ATP2B4: variants seen among roughly 807,000 people sequenced by gnomAD.
ATP2B4 encodes the protein plasma membrane calcium-transporting ATPase 4.
Under a neutral mutation model 110.3 loss-of-function variants are expected in ATP2B4, and 39 were observed. That is an observed-to-expected ratio of 0.35 (90% CI 0.27 to 0.46). The LOEUF (loss-of-function observed/expected upper bound fraction) is 0.46. ATP2B4 is among the 20% of genes least tolerant of loss of function. The pLI is 1.00. For synonymous variants in ATP2B4, 538 were observed against 571.7 expected (o/e 0.94, Z 0.84); for missense variants, 1,135 against 1,530.9 (o/e 0.74, Z 4.32).
chr1:203,695,058 G>T (rs941303191), intron 2 of ATP2B4, among the ~76,000 whole-genome samples: 1 of 152,090 alleles, frequency 6.6e-6, no homozygotes, highest in Non-Finnish European at 1.5e-5. Flanking sequence ...GTTTCATTAG[G>T]CTATTGGGGT....
At chr1:203,734,367 G>A (rs1046212620) in intron 20 of ATP2B4, among the ~76,000 whole-genome samples, 13 of 151,966 alleles carry the variant, frequency 8.6e-5, no homozygotes, top group African/African-American at 2.4e-4. Flanking sequence ...AAATGTATAT[G>A]GTTGAACATC....
rs773161375 is a variant in ATP2B4 at position 203,702,098 on chromosome 1, C to G, written c.937+19C>G. 3 of 1,613,766 alleles carry G rather than the reference C, an allele frequency of 1.9e-6. No homozygotes were observed. The highest frequency in any genetic ancestry group is 2.2e-5 in the East Asian group (1 of 44,876). ...AACAAAGGTAACCTCTCCAACTACT[C>G]ATTTACCATCTCTACCTGCCCACAC... On this transcript the variant is annotated intron_variant, in intron 7 of 20. Coordinates refer to ENST00000357681, the MANE Select transcript of ATP2B4 (RefSeq NM_001684.5).
chr1:203,722,320 T>G (rs527501525), intron 17 of ATP2B4, among the ~76,000 whole-genome samples, 158 bp from the exon 18 acceptor site: 1 of 151,946 alleles, frequency 6.6e-6, no homozygotes, highest in Non-Finnish European at 1.5e-5. Context: ...GGTGACAGAG[T>G]GAGACCCTGT....
chr1:203,739,342 A>C (rs891489541), intron 20 of ATP2B4, among the ~76,000 whole-genome samples: 1 of 151,896 alleles, frequency 6.6e-6, no homozygotes, highest in Non-Finnish European at 1.5e-5. Context: ...CACTCACCCC[A>C]GCCCACCCCA....
chr1:203,736,335 G>C (rs946161930), intron 20 of ATP2B4, among the ~76,000 whole-genome samples: 4 of 152,156 alleles, frequency 2.6e-5, no homozygotes, highest in African/African-American at 9.7e-5. Flanking sequence ...GAGTGCGGTG[G>C]CGCACGTCTG....
intron 1 of ATP2B4, chr1:203,657,541 C>G: frequency 1.2e-6 from 1 of 819,484 alleles, no homozygotes; most frequent in South Asian, 1.4e-5. Flanking sequence ...TTTCTCTTTT[C>G]ATGCATCTTG....
chr1:203,707,954 G>A lies in ATP2B4; in HGVS notation c.1407G>A (p.Thr469=), dbSNP rs1227258815. The change falls in exon 10 of 21, where the codon ACG becomes ACA. Residue 469 remains threonine (T), a synonymous_variant. Transcript: ENST00000357681. ...CCATCTGCTCTGATAAGACAGGCAC[G>A]TTGACCATGAACCGCATGACTGTGG... ...ATAICSDKTG[T]LTMNRMTVVQ... is the part of the protein sequence containing the mutation. The A allele has an allele frequency of 6.8e-6, 11 of 1,614,076 alleles. No individual in the cohort carries two copies. The highest frequency in any genetic ancestry group is 1.3e-5 in the African/African-American group (1 of 74,926).
At chr1:203,735,002 CAA>C (rs35552196) in intron 20 of ATP2B4, among the ~76,000 whole-genome samples, 464 of 57,050 alleles carry the variant, frequency 8.1e-3, no homozygotes, top group Non-Finnish European at 0.012. Flanking sequence ...GACTCCATCT[CAA>C]AAAAAAAAAA....
chr1:203,661,747 C>T (rs1248350595), intron 1 of ATP2B4, among the ~76,000 whole-genome samples: 1 of 152,094 alleles, frequency 6.6e-6, no homozygotes, highest in East Asian at 1.9e-4. Flanking sequence ...CCCTTGAGTT[C>T]TTTGATGTTG....
At position 203,742,859 on chromosome 1, in the gene ATP2B4, T is replaced by C. The variant is rs1040919789; in HGVS notation, c.*3005T>C. The C allele has an allele frequency of 1.3e-5, 2 of 152,374 alleles. No homozygotes were observed. Among genetic ancestry groups the C allele is most frequent in the African/African-American group, 4.8e-5 (2 of 41,472 alleles). 9.4% of individuals were successfully genotyped at this position (152,374 alleles called of 1,614,324 possible). On this transcript the variant is annotated 3_prime_UTR_variant, in exon 21 of 21. Transcript: ENST00000357681. ...CTGGAGTTTTCCATTAGTGAGTTTT[T>C]GTGCAAGGATCTTATTTGTGATGCC...
chr1:203,735,453 G>A (rs1666854978), intron 20 of ATP2B4, among the ~76,000 whole-genome samples: 1 of 152,174 alleles, frequency 6.6e-6, no homozygotes, highest in South Asian at 2.1e-4. Flanking sequence ...ATAGCTGAGT[G>A]TTCAGTCTGT....
chr1:203,690,227 G>A (rs7529482), intron 2 of ATP2B4, among the ~76,000 whole-genome samples: 88,278 of 151,912 alleles, frequency 0.58, 27,453 homozygotes, highest in Non-Finnish European at 0.71. Context: ...TGTTTTACCA[G>A]GAATTGTCCA....
intron 1 of ATP2B4, chr1:203,657,517 T>C: frequency 2.5e-6 from 2 of 796,484 alleles, no homozygotes; most frequent in Non-Finnish European, 4.5e-6. Flanking sequence ...TTTTCATCCT[T>C]CTTTTGTTTG....
intron 1 of ATP2B4, among the ~76,000 whole-genome samples, chr1:203,635,899 G>T (rs1156711313): frequency 6.6e-6 from 1 of 152,118 alleles, no homozygotes; most frequent in Non-Finnish European, 1.5e-5. Context: ...AGAAAGTAAG[G>T]TCCTTTAGGA....
chr1:203,734,232 G>A (rs1666818711), intron 20 of ATP2B4, among the ~76,000 whole-genome samples: 1 of 151,878 alleles, frequency 6.6e-6, no homozygotes, highest in African/African-American at 2.4e-5. Flanking sequence ...GAACTCAGGA[G>A]GCGGAGGTTA....
intron 1 of ATP2B4, among the ~76,000 whole-genome samples, chr1:203,644,529 T>A (rs997225311): frequency 6.6e-6 from 1 of 152,196 alleles, no homozygotes; most frequent in African/African-American, 2.4e-5. Context: ...TCACTGAACC[T>A]TTCTGGGCTT....
intron 8 of ATP2B4, among the ~76,000 whole-genome samples, chr1:203,705,188 G>A (rs572098192): frequency 2.6e-5 from 4 of 152,354 alleles, no homozygotes; most frequent in South Asian, 2.1e-4. Context: ...CTTCTTAAGC[G>A]TCACAGAAAG....
At chr1:203,716,383 A>AC (rs1666158823) in intron 15 of ATP2B4, among the ~76,000 whole-genome samples, 1 of 145,462 alleles carries the variant, frequency 6.9e-6, no homozygotes, top group Admixed American at 6.8e-5. Context: ...TGGACTTAGT[A>AC]CCCAAGGTTT....
intron 2 of ATP2B4, among the ~76,000 whole-genome samples, chr1:203,697,407 G>A (rs1665564397): frequency 2.0e-5 from 3 of 152,148 alleles, no homozygotes; most frequent in Admixed American, 6.5e-5. Flanking sequence ...GCATTTACCT[G>A]TTAATATGAC....
Sources: gnomAD v4.1 joint callset for allele counts (sites outside exome capture counted in the v4.1 genomes callset) on GRCh38, gnomAD v4.1.1 for gene constraint, MANE v1.5 for transcripts, NCBI Gene and HGNC (gene_info 2026-07-23, HGNC 2026-07-21) for gene names.